RILPL1: variants seen among roughly 807,000 people sequenced by gnomAD.
RILPL1 encodes Rab interacting lysosomal protein like 1.
RILPL1 carries 33 observed loss-of-function variants against 50.3 expected under a neutral mutation model. The ratio of observed to expected loss-of-function variants is 0.66; its 90% CI spans 0.50 to 0.88. The LOEUF (loss-of-function observed/expected upper bound fraction) is 0.88, where lower values mean the gene tolerates loss of function less well. Ranked by LOEUF, RILPL1 falls within the 40% of genes least tolerant of loss-of-function variation. RILPL1 has a pLI of 0.00. For missense variants in RILPL1, 418 were observed against 542.5 expected, an observed-to-expected ratio of 0.77 and a Z score of 2.28; for synonymous variants, 205 against 228.6, an observed-to-expected ratio of 0.90 and a Z score of 0.93.
chr12:123,484,219 G>T lies in RILPL1; in HGVS notation c.1028C>A (p.Pro343Gln). The stretch of plus-strand genomic sequence containing the variant: ...CGACTCCGGCTGGGGGGACGTCCTC[G>T]GGTGGGCGATGGGTGGGGGTTGGGG... ...RIPQPPPIAH[P>Q]RTSPQPESGI... Residue 343 changes from proline (P) to glutamine (Q), a missense_variant, in exon 6 of 7, where the codon CCG (proline) becomes CAG (glutamine). Pro to Gln is a moderately conservative substitution (Grantham distance 76). Transcript: ENST00000376874. 3 of 1,612,350 alleles carry T rather than the reference G, an allele frequency of 1.9e-6. No homozygotes were observed. The highest frequency in any genetic ancestry group is 1.7e-4 in the Middle Eastern group (1 of 6,056).
Position 123,472,571 on chromosome 12 carries a change from T to C in RILPL1, c.1179A>G (p.Thr393=). The C allele has an allele frequency of 5.8e-6, 9 of 1,554,064 alleles. No homozygotes were observed. Among genetic ancestry groups the C allele is most frequent in the African/African-American group, 1.4e-5 (1 of 73,302 alleles). Reference sequence around the variant, plus strand: ...GCTGCAGGGCTTCCTGTCCTTGCTCTGTGTAACCGTCATCGCGGTGGGTGT... The same window carrying C: ...GCTGCAGGGCTTCCTGTCCTTGCTCCGTGTAACCGTCATCGCGGTGGGTGT... ...WANTHRDDGY[T]EQGQEALQHL Residue 393 remains threonine (T), a synonymous_variant, in exon 7 of 7, where the codon ACA becomes ACG. Coordinates refer to ENST00000376874, the MANE Select transcript of RILPL1 (RefSeq NM_178314.5).
chr12:123,524,671 C>T (rs1445969013), intron 1 of RILPL1, among the ~76,000 whole-genome samples: 3 of 152,152 alleles, frequency 2.0e-5, no homozygotes, highest in African/African-American at 4.8e-5. Context: ...AAGCCAGACA[C>T]AAAAGGTCAC....
At chr12:123,492,086 C>T (rs995337349) in intron 4 of RILPL1, among the ~76,000 whole-genome samples, 42 of 151,908 alleles carry the variant, frequency 2.8e-4, no homozygotes, top group African/African-American at 9.2e-4. Context: ...CCAGCCTGAC[C>T]AACATGGGGA....
At chr12:123,532,155 C>T (rs1046950557) in intron 1 of RILPL1, among the ~76,000 whole-genome samples, 1 of 152,224 alleles carries the variant, frequency 6.6e-6, no homozygotes, top group Non-Finnish European at 1.5e-5. Flanking sequence ...TCTGTATTTC[C>T]TGAGGCTGAA....
intron 2 of RILPL1, among the ~76,000 whole-genome samples, chr12:123,511,625 TG>T (rs1884225207): frequency 1.4e-5 from 2 of 140,194 alleles, no homozygotes; most frequent in South Asian, 2.4e-4. Context: ...GGTCTGTGTG[TG>T]GTGTGTGAGG....
chr12:123,490,221 C>A lies in RILPL1; in HGVS notation c.802-4416G>T, dbSNP rs1882601088. ...GGACCATCTGACAGCCGTCCCCACA[C>A]CCTGGGGAAAGAGCAAAGCCCTTCA... On this transcript the variant is annotated intron_variant, in intron 4 of 6. Transcript: ENST00000376874. Among the ~76,000 whole-genome samples the A allele has an allele frequency of 2.0e-5, 3 of 152,274 alleles. No individual in the cohort carries two copies. The South Asian group carries it at 6.2e-4, about 32-fold the overall frequency.
At chr12:123,521,129 A>T (rs1271045455) in intron 2 of RILPL1, among the ~76,000 whole-genome samples, 1 of 152,180 alleles carries the variant, frequency 6.6e-6, no homozygotes, top group African/African-American at 2.4e-5. Context: ...AACCCGTAGT[A>T]ATAAGAGCTA....
Position 123,485,883 on chromosome 12 carries a change from A to T in RILPL1, c.802-78T>A. 7.0e-7 allele frequency: 1 copy of T among 1,426,042 alleles called. No homozygotes were observed. The highest frequency in any genetic ancestry group is 2.6e-5 in the Admixed American group (1 of 38,044). The allele number at this position is 1,426,042 out of a possible 1,614,324, so 88.3% of individuals were successfully genotyped here. A position where few individuals can be genotyped will look rare whatever the true frequency, so the allele number is the denominator to read the frequency against. On this transcript the variant is annotated intron_variant, in intron 4 of 6. Coordinates refer to ENST00000376874, the MANE Select transcript of RILPL1 (RefSeq NM_178314.5). This position sits in a 1 kb window ranked among gnomAD's most constrained non-coding sequence, Gnocchi z 4.0. Reference sequence around the variant, plus strand: ...CCACTCTCTATCCTGAAGGAGCCCAAATTCTCCCCCTCCCGGGGTGCCAGC... The same window carrying T: ...CCACTCTCTATCCTGAAGGAGCCCATATTCTCCCCCTCCCGGGGTGCCAGC...
intron 4 of RILPL1, among the ~76,000 whole-genome samples, chr12:123,486,739 AAGCGATTCTTGTGCCTC>A (rs1357123265): frequency 6.6e-6 from 1 of 151,926 alleles, no homozygotes; most frequent in Non-Finnish European, 1.5e-5. Flanking sequence ...CCTTGGCTTC[AAGCGATTCTTGTGCCTC>A]AGCCTCCCGA....
At chr12:123,516,033 CAAAAAAAA>C (rs749657516) in intron 2 of RILPL1, among the ~76,000 whole-genome samples, 39 of 36,190 alleles carry the variant, frequency 1.1e-3, no homozygotes, top group African/African-American at 3.1e-3. Flanking sequence ...GACTCTGTCT[CAAAAAAAA>C]AAAAAAAAAA....
rs1168996744 is a variant in RILPL1, at chr12:123,472,353, A to C, written c.*185T>G. On this transcript the variant is annotated 3_prime_UTR_variant, in exon 7 of 7. Coordinates refer to ENST00000376874, the MANE Select transcript of RILPL1 (RefSeq NM_178314.5). ...GTGATAGCCCTGGGTATAAATAAAC[A>C]TTTCTTTAGAGTTTGGCGTCAGTTT... The C allele has an allele frequency of 1.7e-6, 1 of 599,232 alleles. No homozygotes were observed. Among genetic ancestry groups the C allele is most frequent in the Non-Finnish European group, 2.9e-6 (1 of 342,902 alleles). 37.1% of individuals were successfully genotyped at this position (599,232 alleles called of 1,614,324 possible).
intron 6 of RILPL1, chr12:123,473,186 G>C (rs569054516): frequency 6.1e-6 from 1 of 162,926 alleles, no homozygotes; most frequent in South Asian, 1.6e-4. Context: ...CTTAGATGAG[G>C]CTAAAGGAAG....
At position 123,472,440 on chromosome 12, in the gene RILPL1, C is replaced by T. The variant is rs897479716; in HGVS notation, c.*98G>A. On this transcript the variant is annotated 3_prime_UTR_variant, in exon 7 of 7. Coordinates refer to ENST00000376874, the MANE Select transcript of RILPL1 (RefSeq NM_178314.5). ...GGGGTCAGTTTTCAGGGTGCATCTG[C>T]ACCGAGAGGCTTGAGGCAGCAATGA... The T allele has an allele frequency of 4.8e-5, 65 of 1,360,024 alleles. No homozygotes were observed. The Middle Eastern group carries it at 7.7e-4, about 16-fold the overall frequency. The allele number at this position is 1,360,024 out of a possible 1,614,324, so 84.2% of individuals were successfully genotyped here. A position where few individuals can be genotyped will look rare whatever the true frequency, so the allele number is the denominator to read the frequency against.
chr12:123,530,163 TTTGTTG>T (rs928090067), intron 1 of RILPL1, among the ~76,000 whole-genome samples: 28 of 151,986 alleles, frequency 1.8e-4, no homozygotes, highest in African/African-American at 6.3e-4. Flanking sequence ...ACCTCACTGG[TTTGTTG>T]TTGTTGTTGT....
At chr12:123,490,947 G>A (rs898132204) in intron 4 of RILPL1, among the ~76,000 whole-genome samples, 3 of 151,328 alleles carry the variant, frequency 2.0e-5, no homozygotes, top group Non-Finnish European at 4.4e-5. Flanking sequence ...ATGGGCTTTC[G>A]CCATGTTGGC....
chr12:123,499,820 C>T (rs1374168611), intron 2 of RILPL1, among the ~76,000 whole-genome samples: 2 of 152,156 alleles, frequency 1.3e-5, no homozygotes, highest in African/African-American at 4.8e-5. Flanking sequence ...AGGCCTCAGC[C>T]CAAATGTCAC....
At chr12:123,475,896 A>AT in intron 6 of RILPL1, 2 of 505,014 alleles carry the variant, frequency 4.0e-6, no homozygotes, top group Non-Finnish European at 6.8e-6. Context: ...ATTCACTTAA[A>AT]ATTTTTTTTT....
intron 2 of RILPL1, among the ~76,000 whole-genome samples, chr12:123,508,991 A>C (rs1883926879): frequency 6.6e-6 from 1 of 152,110 alleles, no homozygotes; most frequent in African/African-American, 2.4e-5. Flanking sequence ...TTGGAGACCA[A>C]CCTGGTCAAC....
intron 6 of RILPL1, among the ~76,000 whole-genome samples, chr12:123,480,360 C>T (rs1881884892): frequency 6.6e-6 from 1 of 151,766 alleles, no homozygotes; most frequent in African/African-American, 2.4e-5. Flanking sequence ...ATGGGGGTTT[C>T]ACCATGTAGG....
Sources: allele counts gnomAD v4.1 joint callset (sites outside exome capture counted in the v4.1 genomes callset), GRCh38; gene constraint gnomAD v4.1.1; non-coding constraint Gnocchi (gnomAD v3.1); transcripts MANE v1.5; gene names NCBI Gene and HGNC (gene_info 2026-07-23, HGNC 2026-07-21).